The following ABLIM3 variants were observed in gnomAD, a reference collection of about 807,000 sequenced individuals.
The protein encoded by ABLIM3 is actin-binding LIM protein 3.
ABLIM3 carries 61 observed loss-of-function variants against 109.5 expected under a neutral mutation model. The ratio of observed to expected loss-of-function variants is 0.56; its 90% CI spans 0.45 to 0.69. The LOEUF is 0.69. ABLIM3 is among the 30% of genes least tolerant of loss of function. The pLI is 0.00. For missense variants in ABLIM3, 796 were observed against 889.5 expected (o/e 0.89, Z 1.34); for synonymous variants, 300 against 324.8 (o/e 0.92, Z 0.82).
intron 8 of ABLIM3, among the ~76,000 whole-genome samples, chr5:149,222,953 G>C (rs2127534254): frequency 6.6e-6 from 1 of 152,156 alleles, no homozygotes; most frequent in South Asian, 2.1e-4. Flanking sequence ...TTAGGTTGTA[G>C]GAGTTATGCT....
intron 8 of ABLIM3, chr5:149,219,296 A>G (rs1031999317): frequency 9.2e-5 from 14 of 152,378 alleles, no homozygotes; most frequent in African/African-American, 3.4e-4. Flanking sequence ...TCCTCAGTGG[A>G]GAACCACTGG....
intron 2 of ABLIM3, among the ~76,000 whole-genome samples, chr5:149,147,239 C>G (rs920984657): frequency 2.0e-4 from 31 of 152,044 alleles, no homozygotes; most frequent in Admixed American, 1.7e-3. Flanking sequence ...ATTTTGTATC[C>G]TGAGACTTCA....
intron 17 of ABLIM3, among the ~76,000 whole-genome samples, chr5:149,246,966 AT>A (rs1422371884): frequency 6.6e-6 from 1 of 152,270 alleles, no homozygotes; most frequent in Non-Finnish European, 1.5e-5. Context: ...ACCCAGAAGA[AT>A]TAAAAACAGG....
chr5:149,218,940 T>C (rs111805914), intron 8 of ABLIM3: 5 of 152,348 alleles, frequency 3.3e-5, no homozygotes, highest in Admixed American at 2.0e-4. Context: ...GTGAATGTCA[T>C]TGGTGGAATC....
intron 5 of ABLIM3, 106 bp from the exon 6 acceptor site, chr5:149,206,902 A>G (rs1759035028): frequency 4.7e-6 from 7 of 1,475,770 alleles, no homozygotes; most frequent in South Asian, 1.3e-5. Context: ...GGGAGCAACT[A>G]TGGGAACACT....
intron 2 of ABLIM3, among the ~76,000 whole-genome samples, chr5:149,152,213 A>G (rs1388527772): frequency 2.0e-5 from 3 of 152,188 alleles, no homozygotes; most frequent in Non-Finnish European, 4.4e-5. Context: ...GCTTGCCACA[A>G]TTATCACTTC....
chr5:149,211,920 T>C (rs1759596413), intron 7 of ABLIM3, among the ~76,000 whole-genome samples: 1 of 151,464 alleles, frequency 6.6e-6, no homozygotes, highest in Non-Finnish European at 1.5e-5. Flanking sequence ...CAAGCACTCA[T>C]GGTAACCACA....
chr5:149,255,140 C>G (rs1754319265), intron 23 of ABLIM3, among the ~76,000 whole-genome samples: 1 of 152,226 alleles, frequency 6.6e-6, no homozygotes, highest in Non-Finnish European at 1.5e-5. Context: ...TAAAGCTGAT[C>G]ACCTAGTGAT....
chr5:149,156,436 A>G (rs1753870111), intron 2 of ABLIM3, among the ~76,000 whole-genome samples: 1 of 152,234 alleles, frequency 6.6e-6, no homozygotes, highest in South Asian at 2.1e-4. Context: ...GTAATGATTA[A>G]TAGTGATAAG....
At chr5:149,207,388 C>T (rs1759102459) in intron 6 of ABLIM3, among the ~76,000 whole-genome samples, 1 of 152,176 alleles carries the variant, frequency 6.6e-6, no homozygotes, top group Non-Finnish European at 1.5e-5. Flanking sequence ...GTCTCGGTCC[C>T]CATGCCTTCC....
At position 149,230,721 on chromosome 5, in the gene ABLIM3, T is replaced by C. The variant is rs1439010886; in HGVS notation, c.816+14T>C. The C allele has an allele frequency of 1.2e-6, 2 of 1,613,738 alleles. No individual in the cohort carries two copies. Among genetic ancestry groups the C allele is most frequent in the African/African-American group, 1.3e-5 (1 of 74,910 alleles). On this transcript the variant is annotated intron_variant, in intron 9 of 23. Transcript: ENST00000309868. ...AAGAAGTTAAAGGTAAGCAAGCTAG[T>C]AGATTCCAGACCAGCACTCCTGCTT...
At chr5:149,152,879 C>G (rs1309045830) in intron 2 of ABLIM3, among the ~76,000 whole-genome samples, 1 of 152,088 alleles carries the variant, frequency 6.6e-6, no homozygotes, top group Non-Finnish European at 1.5e-5. Flanking sequence ...TAGAGTCCTC[C>G]TGCTTGAGAA....
chr5:149,249,999 G>C (rs747539508), intron 19 of ABLIM3, among the ~76,000 whole-genome samples, 155 bp downstream of exon 19: 4 of 152,196 alleles, frequency 2.6e-5, no homozygotes, highest in Non-Finnish European at 5.9e-5. Flanking sequence ...TTGTCAGATT[G>C]TGGGTCTGCA....
At chr5:149,200,219 C>T (rs899800191) in intron 4 of ABLIM3, 97 bp from the exon 5 acceptor site, 2 of 995,344 alleles carry the variant, frequency 2.0e-6, no homozygotes, top group South Asian at 1.4e-5. Context: ...AGAAGTCAAG[C>T]TGTATGTGTT....
intron 2 of ABLIM3, among the ~76,000 whole-genome samples, chr5:149,167,579 A>G (rs1434651698): frequency 1.3e-5 from 2 of 152,168 alleles, no homozygotes; most frequent in Non-Finnish European, 2.9e-5. Context: ...TATACTAATC[A>G]TTGTGTTTTT....
chr5:149,179,726 C>T (rs1462413285), intron 2 of ABLIM3, among the ~76,000 whole-genome samples: 2 of 151,770 alleles, frequency 1.3e-5, no homozygotes, highest in East Asian at 1.9e-4. Flanking sequence ...TCAGGCTGTA[C>T]TGTCATTATG....
chr5:149,182,694 A>G (rs187838010), intron 2 of ABLIM3, among the ~76,000 whole-genome samples: 33 of 152,350 alleles, frequency 2.2e-4, no homozygotes, highest in African/African-American at 7.0e-4. Flanking sequence ...CAAGAGAATA[A>G]CAGACCCAAT....
intron 2 of ABLIM3, among the ~76,000 whole-genome samples, chr5:149,170,145 T>TTGGTTTGTA (rs969517624): frequency 1.3e-5 from 2 of 152,054 alleles, no homozygotes; most frequent in African/African-American, 4.8e-5. Flanking sequence ...GTGTACTATA[T>TTGGTTTGTA]TGGTTTGTAT....
At chr5:149,147,212 CTAATTTTTGTACAT>C (rs1302150458) in intron 2 of ABLIM3, among the ~76,000 whole-genome samples, 1 of 151,946 alleles carries the variant, frequency 6.6e-6, no homozygotes, top group African/African-American at 2.4e-5. Context: ...AGAAATGCTA[CTAATTTTTGTACAT>C]TAATTTTGTA....
Sources: gnomAD v4.1 joint callset for allele counts (sites outside exome capture counted in the v4.1 genomes callset) on GRCh38, gnomAD v4.1.1 for gene constraint, MANE v1.5 for transcripts, NCBI Gene and HGNC (gene_info 2026-07-23, HGNC 2026-07-21) for gene names.